IL1RAPL1: variants seen among roughly 807,000 people sequenced by gnomAD.
IL1RAPL1 encodes interleukin 1 receptor accessory protein like 1.
A neutral mutation model predicts 48.4 loss-of-function variants in IL1RAPL1; 3 were observed. The ratio of observed to expected loss-of-function variants is 0.06; its 90% CI spans 0.03 to 0.16. The LOEUF (loss-of-function observed/expected upper bound fraction) is 0.16. Ranked by LOEUF, IL1RAPL1 falls within the 10% of genes least tolerant of loss-of-function variation. The pLI, the probability that IL1RAPL1 is intolerant of heterozygous loss-of-function variation, is 1.00. For synonymous variants in IL1RAPL1, 185 were observed against 187.7 expected (o/e 0.99, Z 0.12); for missense variants, 349 against 530.6 (o/e 0.66, Z 3.36).
At chrX:29,171,657 T>G (rs1210337650) in intron 2 of IL1RAPL1, among the ~76,000 whole-genome samples, 1 of 112,183 alleles carries the variant, frequency 8.9e-6, no homozygotes, top group Non-Finnish European at 1.9e-5. Context: ...ATGAAATATA[T>G]AAATAGAAGT....
chrX:29,620,113 G>C (rs935329337), intron 5 of IL1RAPL1, among the ~76,000 whole-genome samples: 8 of 111,856 alleles, frequency 7.2e-5, no homozygotes, highest in Non-Finnish European at 1.9e-5. Context: ...TTTCTCATTT[G>C]TTCTGTGAAT....
intron 5 of IL1RAPL1, among the ~76,000 whole-genome samples, chrX:29,653,266 G>A (rs949178136): frequency 3.6e-5 from 4 of 112,135 alleles, no homozygotes; most frequent in Non-Finnish European, 5.6e-5. Context: ...ATAACATAAT[G>A]AAACCCTATG....
chrX:28,873,534 T>C (rs1922270402), intron 2 of IL1RAPL1, among the ~76,000 whole-genome samples: 5 of 81,813 alleles, frequency 6.1e-5, no homozygotes, highest in Middle Eastern at 5.7e-3. Flanking sequence ...TTTTTTTTTT[T>C]TTTTTTTTTT....
At chrX:28,869,904 C>G (rs1329666982) in intron 2 of IL1RAPL1, among the ~76,000 whole-genome samples, 1 of 111,638 alleles carries the variant, frequency 9.0e-6, no homozygotes, top group East Asian at 2.8e-4. Flanking sequence ...CATTAACCTA[C>G]TTTTTGTCTC....
chrX:28,997,913 T>C (rs1253444236), intron 2 of IL1RAPL1, among the ~76,000 whole-genome samples: 1 of 111,709 alleles, frequency 9.0e-6, no homozygotes, highest in Non-Finnish European at 1.9e-5. Flanking sequence ...AACCAGATGG[T>C]GTGCAGACCA....
intron 6 of IL1RAPL1, among the ~76,000 whole-genome samples, chrX:29,681,912 A>T (rs1239637794): frequency 2.9e-5 from 2 of 68,475 alleles, no homozygotes. Flanking sequence ...CTCTTTGTAA[A>T]TTAAAAAAAA....
At position 29,602,195 on chromosome X, in the gene IL1RAPL1, C is replaced by G. The variant is rs377197778; in HGVS notation, c.704-66235C>G. On this transcript the variant is annotated intron_variant, in intron 5 of 10. Coordinates refer to ENST00000378993, the MANE Select transcript of IL1RAPL1 (RefSeq NM_014271.4). ...ACGGGGTTTCACCATGTTGATCAGGCTGATCTCAAACTCCTGACCTCATGT... is the reference window on the plus strand; with the variant it reads ...ACGGGGTTTCACCATGTTGATCAGGGTGATCTCAAACTCCTGACCTCATGT... Among the ~76,000 whole-genome samples the G allele has an allele frequency of 2.9e-3, 302 of 103,092 alleles. 32 individuals are homozygous for G. The highest frequency in any genetic ancestry group is 0.012 in the African/African-American group (277 of 22,923). The allele number at this position is 103,092 out of a possible 115,157, so 89.5% of individuals were successfully genotyped here. A position where few individuals can be genotyped will look rare whatever the true frequency, so the allele number is the denominator to read the frequency against.
intron 5 of IL1RAPL1, among the ~76,000 whole-genome samples, chrX:29,549,574 G>A (rs1308219552): frequency 9.0e-6 from 1 of 111,709 alleles, no homozygotes; most frequent in African/African-American, 3.3e-5. Context: ...GGCATTGACT[G>A]GGGGTCTTGG....
chrX:29,755,215 C>T (rs1482363344), intron 6 of IL1RAPL1, among the ~76,000 whole-genome samples: 1 of 112,340 alleles, frequency 8.9e-6, no homozygotes, highest in East Asian at 2.8e-4. Context: ...AACCTAATCA[C>T]TACAGTGATA....
chrX:28,597,160 G>A (rs968412877), intron 1 of IL1RAPL1, among the ~76,000 whole-genome samples: 1 of 111,279 alleles, frequency 9.0e-6, no homozygotes, highest in Non-Finnish European at 1.9e-5. Context: ...GATAAGGCTG[G>A]AGCCCTGAGC....
chrX:29,674,935 A>C (rs1926234872), intron 6 of IL1RAPL1, among the ~76,000 whole-genome samples: 1 of 112,376 alleles, frequency 8.9e-6, no homozygotes, highest in Admixed American at 9.4e-5. Context: ...TCTGTAGTGT[A>C]TATGTACCAC....
At chrX:29,405,854 CT>C (rs201176718) in intron 5 of IL1RAPL1, among the ~76,000 whole-genome samples, 3 of 108,689 alleles carry the variant, frequency 2.8e-5, no homozygotes, top group Non-Finnish European at 3.8e-5. Context: ...CTGCTCCATT[CT>C]TTTTTTTTCT....
intron 5 of IL1RAPL1, among the ~76,000 whole-genome samples, chrX:29,662,418 A>G (rs1925872316): frequency 9.0e-6 from 1 of 111,567 alleles, no homozygotes; most frequent in Non-Finnish European, 1.9e-5. Context: ...TTTTCATAGT[A>G]CTTATAATCA....
intron 2 of IL1RAPL1, among the ~76,000 whole-genome samples, chrX:29,276,029 C>T: frequency 8.9e-6 from 1 of 112,361 alleles, no homozygotes; most frequent in East Asian, 2.8e-4. Context: ...GTGCCTTGAA[C>T]CCTGTTACTT....
chrX:29,830,655 G>T (rs1259105913), intron 6 of IL1RAPL1, among the ~76,000 whole-genome samples: 1 of 110,445 alleles, frequency 9.1e-6, no homozygotes, highest in African/African-American at 3.3e-5. Flanking sequence ...GTTTCACCAT[G>T]TTGGCCAGCC....
intron 5 of IL1RAPL1, among the ~76,000 whole-genome samples, chrX:29,603,358 A>G (rs906444878): frequency 1.8e-5 from 2 of 111,677 alleles, no homozygotes; most frequent in African/African-American, 6.5e-5. Flanking sequence ...TTATTTAAAG[A>G]GATTTTATTT....
At chrX:29,216,654 C>T (rs896196005) in intron 2 of IL1RAPL1, among the ~76,000 whole-genome samples, 1 of 111,737 alleles carries the variant, frequency 8.9e-6, no homozygotes, top group Admixed American at 9.6e-5. Context: ...CACTTATTTT[C>T]ACTATATTCT....
rs181449230 is a variant in IL1RAPL1 at position 28,835,896 on chromosome X, A to G, written c.82+46471A>G. Among the ~76,000 whole-genome samples, 120 of 111,193 alleles carry G rather than the reference A, an allele frequency of 1.1e-3. 1 individual carries two copies. In the Middle Eastern group the frequency reaches 0.019, roughly 17 times the overall value. On this transcript the variant is annotated intron_variant, in intron 2 of 10. Coordinates refer to ENST00000378993, the MANE Select transcript of IL1RAPL1 (RefSeq NM_014271.4). ...TTTGTTGTTTCCTTTAAATCTTTAA[A>G]ATGTGTTTTTATATTTGTTTTTTGA...
chrX:28,771,606 A>T (rs1322128743), intron 1 of IL1RAPL1, among the ~76,000 whole-genome samples: 1 of 112,325 alleles, frequency 8.9e-6, no homozygotes, highest in African/African-American at 3.2e-5. Flanking sequence ...CAGAGCCTGC[A>T]TTAATAGAAT....
Sources: allele counts gnomAD v4.1 joint callset (sites outside exome capture counted in the v4.1 genomes callset), GRCh38; gene constraint gnomAD v4.1.1; transcripts MANE v1.5; gene names NCBI Gene and HGNC (gene_info 2026-07-23, HGNC 2026-07-21).